ADAMTS6: variants seen among roughly 807,000 people sequenced by gnomAD.
The protein encoded by ADAMTS6 is A disintegrin and metalloproteinase with thrombospondin motifs 6.
A neutral mutation model predicts 144.3 loss-of-function variants in ADAMTS6; 23 were observed. The observed-to-expected ratio is 0.16, with a 90% CI of 0.11 to 0.23. The LOEUF is 0.23. Among genes scored for constraint, ADAMTS6 ranks in the 10% least tolerant of loss-of-function variants. The probability of loss-of-function intolerance (pLI) is 1.00; values close to 1 mark genes in which losing one functional copy is unlikely to be tolerated. For synonymous variants in ADAMTS6, 444 were observed against 457.5 expected (o/e 0.97, Z 0.38); for missense variants, 999 against 1,379.6 (o/e 0.72, Z 4.37).
chr5:65,210,939 A>G (rs536083211), intron 20 of ADAMTS6: 134 of 256,824 alleles, frequency 5.2e-4, no homozygotes, highest in African/African-American at 2.6e-3. Context: ...TGTCCCTTAT[A>G]AAGACAATAG....
chr5:65,364,385 T>C (rs1304795775), intron 7 of ADAMTS6, among the ~76,000 whole-genome samples: 1 of 152,110 alleles, frequency 6.6e-6, no homozygotes, highest in Non-Finnish European at 1.5e-5. Context: ...TCTTTCAATA[T>C]TCTTAAAATA....
At chr5:65,239,633 G>A (rs1758994200) in intron 15 of ADAMTS6, among the ~76,000 whole-genome samples, 1 of 152,106 alleles carries the variant, frequency 6.6e-6, no homozygotes, top group South Asian at 2.1e-4. Flanking sequence ...CACAGAATGT[G>A]ACAAAACATT....
intron 11 of ADAMTS6, among the ~76,000 whole-genome samples, chr5:65,277,706 C>A (rs1217999904): frequency 2.0e-5 from 3 of 152,092 alleles, no homozygotes; most frequent in Non-Finnish European, 4.4e-5. Flanking sequence ...GCACGCTTTG[C>A]AAAATGTTCC....
intron 12 of ADAMTS6, among the ~76,000 whole-genome samples, chr5:65,265,463 C>G (rs1011225985): frequency 1.3e-5 from 2 of 152,030 alleles, no homozygotes; most frequent in Non-Finnish European, 2.9e-5. Flanking sequence ...CAAATAATCT[C>G]CAGTTTTGTG....
chr5:65,224,666 C>G (rs1474957638), intron 17 of ADAMTS6, among the ~76,000 whole-genome samples: 1 of 152,156 alleles, frequency 6.6e-6, no homozygotes, highest in Non-Finnish European at 1.5e-5. Flanking sequence ...TCAGCACATG[C>G]CCCTCATATC....
At chr5:65,316,493 A>G (rs1745012220) in intron 9 of ADAMTS6, among the ~76,000 whole-genome samples, 1 of 152,314 alleles carries the variant, frequency 6.6e-6, no homozygotes, top group African/African-American at 2.4e-5. Context: ...TATATCTGTA[A>G]TTACATTGTA....
rs199703566 is a variant in ADAMTS6, at chr5:65,191,631, A to AT, written c.2706-3412dup. Among the ~76,000 whole-genome samples, 877 of 152,194 alleles carry AT rather than the reference A, an allele frequency of 5.8e-3. 13 individuals carry two copies. Among genetic ancestry groups the AT allele is most frequent in the African/African-American group, 0.02 (850 of 41,556 alleles). On this transcript the variant is annotated intron_variant, in intron 21 of 24. Transcript: ENST00000381055. ...TATAAATTATTGTCTACTTACAAAG[A>AT]TAAAAAACTTTCCTACATTTTAAAT...
chr5:65,452,648 C>A, intron 5 of ADAMTS6, 59 bp downstream of exon 5: 3 of 1,566,188 alleles, frequency 1.9e-6, no homozygotes, highest in Middle Eastern at 1.7e-4. Context: ...AAATTTATGA[C>A]CTTAGTCAAA....
intron 24 of ADAMTS6, among the ~76,000 whole-genome samples, chr5:65,154,442 A>G (rs1752298486): frequency 6.6e-6 from 1 of 152,174 alleles, no homozygotes; most frequent in Non-Finnish European, 1.5e-5. Flanking sequence ...TGGAAGCAGG[A>G]AGTCCGTAGG....
intron 14 of ADAMTS6, among the ~76,000 whole-genome samples, chr5:65,256,863 C>T (rs548055151): frequency 1.3e-5 from 2 of 151,886 alleles, no homozygotes; most frequent in African/African-American, 4.8e-5. Flanking sequence ...AGTTCTTCTA[C>T]CCTTATATAA....
At chr5:65,255,670 G>T (rs1760588188) in intron 14 of ADAMTS6, among the ~76,000 whole-genome samples, 1 of 151,052 alleles carries the variant, frequency 6.6e-6, no homozygotes. Context: ...ATCTTTTTAT[G>T]TTCCCCTCTC....
intron 7 of ADAMTS6, among the ~76,000 whole-genome samples, chr5:65,383,266 T>A (rs757790302): frequency 1.2e-4 from 18 of 152,076 alleles, no homozygotes; most frequent in Non-Finnish European, 2.4e-4. Context: ...CACCCTAATA[T>A]CAACTCAAAA....
At chr5:65,332,304 TATATATATAG>T (rs1438521448) in intron 8 of ADAMTS6, among the ~76,000 whole-genome samples, 22 of 117,902 alleles carry the variant, frequency 1.9e-4, no homozygotes, top group African/African-American at 3.6e-4. Context: ...TATATATATA[TATATATATAG>T]AGAGAGAGAG....
intron 9 of ADAMTS6, among the ~76,000 whole-genome samples, chr5:65,319,557 G>A (rs1745336214): frequency 6.8e-6 from 1 of 146,940 alleles, no homozygotes; most frequent in Non-Finnish European, 1.5e-5. Flanking sequence ...AAAAATACAA[G>A]AAAACAAAAA....
At chr5:65,462,346 G>A (rs1759691383) in intron 3 of ADAMTS6, among the ~76,000 whole-genome samples, 1 of 152,162 alleles carries the variant, frequency 6.6e-6, no homozygotes, top group Non-Finnish European at 1.5e-5. Context: ...AAAGTTACCA[G>A]ACAAGAGACT....
In ADAMTS6 at chr5:65,300,030, A is replaced by G. The variant is rs769845767; in HGVS notation, c.1325T>C (p.Phe442Ser). Reference protein sequence around the residue: ...AAHITANTNPFSWSACSRDYI... With the variant: ...AAHITANTNPSSWSACSRDYI... The stretch of plus-strand genomic sequence containing the variant: ...GTCTCGACTGCAAGCAGACCAGGAA[A>G]AAGGATTGGTATTCGCAGTAATGTG... Residue 442 changes from phenylalanine to serine, a missense_variant, in exon 10 of 25, where the codon TTT (phenylalanine) becomes TCT (serine). Physicochemically the swap from Phe to Ser is radical, Grantham distance 155 (BLOSUM62 -2). Around this residue, in one of 3 missense-constraint regions of ADAMTS6, gnomAD observed 128 missense variants for 249.0 expected, o/e 0.51. Coordinates refer to ENST00000381055, the MANE Select transcript of ADAMTS6 (RefSeq NM_197941.4). 1 of 1,614,108 alleles carries G rather than the reference A, an allele frequency of 6.2e-7. No individual in the cohort carries two copies. The highest frequency in any genetic ancestry group is 8.5e-7 in the Non-Finnish European group (1 of 1,180,006).
rs1258046567 is a variant in ADAMTS6, at chr5:65,323,777, C to T, written c.1223+5601G>A. On this transcript the variant is annotated intron_variant, in intron 9 of 24. Coordinates refer to ENST00000381055, the MANE Select transcript of ADAMTS6 (RefSeq NM_197941.4). ...TATTTCTCCACATCTTCTTCAGCAC[C>T]TGTTGTTTCCTGACTTTTTAATGAT... Among the ~76,000 whole-genome samples, 17 of 152,242 alleles carry T rather than the reference C, an allele frequency of 1.1e-4. No individual in the cohort carries two copies. The East Asian group carries it at 2.9e-3, about 26-fold the overall frequency.
At chr5:65,200,005 A>C (rs1383696796) in intron 20 of ADAMTS6, among the ~76,000 whole-genome samples, 1 of 152,152 alleles carries the variant, frequency 6.6e-6, no homozygotes, top group Admixed American at 6.5e-5. Flanking sequence ...TATTTTATGA[A>C]GATGCATGTT....
chr5:65,166,914 C>CACAAGAGTAAATGT (rs1753203620), intron 24 of ADAMTS6, among the ~76,000 whole-genome samples: 1 of 142,104 alleles, frequency 7.0e-6, no homozygotes, highest in Admixed American at 7.1e-5. Flanking sequence ...GCACTAAATG[C>CACAAGAGTAAATGT]GCACAAGAGA....
Sources: gnomAD v4.1 joint callset for allele counts (sites outside exome capture counted in the v4.1 genomes callset) on GRCh38, gnomAD v4.1.1 for gene constraint, gnomAD v4.1.1 regional missense constraint, MANE v1.5 for transcripts, NCBI Gene and HGNC (gene_info 2026-07-23, HGNC 2026-07-21) for gene names.